KIRREL3: variants seen among roughly 807,000 people sequenced by gnomAD.
The protein encoded by KIRREL3 is kin of IRRE-like protein 3.
KIRREL3 carries 36 observed loss-of-function variants against 89.7 expected under a neutral mutation model. That is an observed-to-expected ratio of 0.40 (90% CI 0.31 to 0.53). KIRREL3 has a LOEUF of 0.53. Among genes scored for constraint, KIRREL3 ranks in the 20% least tolerant of loss-of-function variants. KIRREL3 has a pLI of 0.49. For synonymous variants in KIRREL3, 445 were observed against 441.4 expected (o/e 1.01, Z -0.10); for missense variants, 864 against 1,056.6 (o/e 0.82, Z 2.53).
At chr11:126,700,321 T>C (rs1477536583) in intron 1 of KIRREL3, among the ~76,000 whole-genome samples, 1 of 152,196 alleles carries the variant, frequency 6.6e-6, no homozygotes, top group Non-Finnish European at 1.5e-5. Flanking sequence ...TTTTTCTGTG[T>C]GACTCAGTAT....
rs1946801033 is a variant in KIRREL3 at position 126,689,515 on chromosome 11, T to C, written c.56-126603A>G. Among the ~76,000 whole-genome samples the C allele has an allele frequency of 6.6e-6, 1 of 152,218 alleles. No individual in the cohort carries two copies. The highest frequency in any genetic ancestry group is 1.5e-5 in the Non-Finnish European group (1 of 68,040). ...CCTATGCACCCGAGGAGGATGAGTC[T>C]TCAGAGTTTCCAGCTGCCTTCTTGT... On this transcript the variant is annotated intron_variant, in intron 1 of 16. Transcript: ENST00000525144. This position sits in a 1 kb window ranked among gnomAD's most constrained non-coding sequence, Gnocchi z 5.2.
intron 1 of KIRREL3, among the ~76,000 whole-genome samples, chr11:126,810,678 A>G (rs1013892290): frequency 6.6e-6 from 1 of 152,188 alleles, no homozygotes; most frequent in Non-Finnish European, 1.5e-5. Flanking sequence ...AGGTCTTTAC[A>G]TTGAAGAGGG....
Position 126,897,560 on chromosome 11 carries a change from C to A in KIRREL3, c.55+102895G>T, listed in dbSNP as rs1181744522. ...CTCCCACAGAGGGTTAAAGGCACAG[C>A]ATCCTCCTGTTTGTATATAGCAGAC... On this transcript the variant is annotated intron_variant, in intron 1 of 16. Coordinates refer to ENST00000525144, the MANE Select transcript of KIRREL3 (RefSeq NM_032531.4). The surrounding 1 kb of genome is among the most constrained non-coding windows in gnomAD (Gnocchi z 4.2). Among the ~76,000 whole-genome samples the A allele has an allele frequency of 6.6e-6, 1 of 152,190 alleles. No individual in the cohort carries two copies. The highest frequency in any genetic ancestry group is 1.5e-5 in the Non-Finnish European group (1 of 68,040).
rs537054947 is a variant in KIRREL3 at position 126,460,831 on chromosome 11, C to G, written c.742+2326G>C. Among the ~76,000 whole-genome samples, 7 of 152,352 alleles carry G rather than the reference C, an allele frequency of 4.6e-5. No individual in the cohort carries two copies. The South Asian group carries it at 1.4e-3, about 32-fold the overall frequency. ...CAGGAAACTGCTTCTTCCCACCTCTCCCTGCCAGGACCTACGCTGCTGTCG... is the reference window on the plus strand; with the variant it reads ...CAGGAAACTGCTTCTTCCCACCTCTGCCTGCCAGGACCTACGCTGCTGTCG... On this transcript the variant is annotated intron_variant, in intron 6 of 16. Transcript: ENST00000525144.
chr11:126,442,483 G>T (rs1955618626), intron 10 of KIRREL3, among the ~76,000 whole-genome samples: 1 of 152,144 alleles, frequency 6.6e-6, no homozygotes, highest in South Asian at 2.1e-4. Flanking sequence ...AATGGGGTGA[G>T]GGTTAGTAAG....
rs995847165 is a variant in KIRREL3, at chr11:126,750,780, A to G, written c.56-187868T>C. 6.6e-6 allele frequency among the ~76,000 whole-genome samples: 1 copy of G among 152,224 alleles called. No homozygotes were observed. The highest frequency in any genetic ancestry group is 6.5e-5 in the Admixed American group (1 of 15,284). ...TATATCACATGGATTGTCCAAGCTA[A>G]CAAATGGTAGTGCAAACGTTGGAAC... On this transcript the variant is annotated intron_variant, in intron 1 of 16. Coordinates refer to ENST00000525144, the MANE Select transcript of KIRREL3 (RefSeq NM_032531.4). The surrounding 1 kb of genome is among the most constrained non-coding windows in gnomAD (Gnocchi z 4.2).
At chr11:126,859,322 T>C (rs1174359006) in intron 1 of KIRREL3, among the ~76,000 whole-genome samples, 1 of 152,176 alleles carries the variant, frequency 6.6e-6, no homozygotes, top group Non-Finnish European at 1.5e-5. Context: ...CCATTTTTAC[T>C]GAGGAGGAAA....
In KIRREL3 at chr11:126,844,333, G is replaced by A. The variant is rs1944062493; in HGVS notation, c.55+156122C>T. 6.6e-6 allele frequency among the ~76,000 whole-genome samples: 1 copy of A among 152,140 alleles called. No individual in the cohort carries two copies. Among genetic ancestry groups the A allele is most frequent in the African/African-American group, 2.4e-5 (1 of 41,450 alleles). On this transcript the variant is annotated intron_variant, in intron 1 of 16. Coordinates refer to ENST00000525144, the MANE Select transcript of KIRREL3 (RefSeq NM_032531.4). The surrounding 1 kb of genome is among the most constrained non-coding windows in gnomAD (Gnocchi z 4.8). ...GTGACCACAGAAGGGACAATACTAA[G>A]GAAACCCCAGACCCAAAGGCTAACC... is the stretch of plus-strand genomic sequence containing the variant.
At chr11:126,901,637 A>G (rs1946374921) in intron 1 of KIRREL3, among the ~76,000 whole-genome samples, 1 of 152,210 alleles carries the variant, frequency 6.6e-6, no homozygotes, top group Non-Finnish European at 1.5e-5. Flanking sequence ...TATCCTATTT[A>G]AGTCACAACT....
intron 1 of KIRREL3, among the ~76,000 whole-genome samples, chr11:126,688,204 A>C (rs1946740626): frequency 1.3e-5 from 2 of 152,174 alleles, no homozygotes; most frequent in African/African-American, 4.8e-5. Context: ...CTACCTCTTC[A>C]CCCAGCTCTG....
rs1305923773 is a variant in KIRREL3 at position 126,640,536 on chromosome 11, C to G, written c.56-77624G>C. 1.3e-5 allele frequency among the ~76,000 whole-genome samples: 2 copies of G among 152,112 alleles called. No homozygotes were observed. The highest frequency in any genetic ancestry group is 1.5e-5 in the Non-Finnish European group (1 of 68,012). ...GCCTCTGAATTAAGTCAGCTTTTTC[C>G]TTCTGGGCTGCTTGTACCTGAAATG... On this transcript the variant is annotated intron_variant, in intron 1 of 16. Transcript: ENST00000525144. The surrounding 1 kb of genome is among the most constrained non-coding windows in gnomAD (Gnocchi z 4.9).
intron 1 of KIRREL3, among the ~76,000 whole-genome samples, chr11:126,928,563 C>T (rs1793646): frequency 0.33 from 50,073 of 151,986 alleles, 8,822 homozygotes; most frequent in Middle Eastern, 0.55. Flanking sequence ...GCCTGGGACC[C>T]CGACGTGGTG....
intron 1 of KIRREL3, among the ~76,000 whole-genome samples, chr11:126,581,718 A>G (rs994954503): frequency 1.3e-5 from 2 of 152,134 alleles, no homozygotes; most frequent in Non-Finnish European, 2.9e-5. Context: ...ATTATAGGAT[A>G]CACTGTTATT....
chr11:126,472,866 C>A (rs1157187987), intron 5 of KIRREL3, among the ~76,000 whole-genome samples: 1 of 151,670 alleles, frequency 6.6e-6, no homozygotes, highest in Non-Finnish European at 1.5e-5. Flanking sequence ...CCAAAAGGGG[C>A]AGGAGAGAGG....
chr11:126,597,616 C>T (rs911023251), intron 1 of KIRREL3, among the ~76,000 whole-genome samples: 9 of 152,190 alleles, frequency 5.9e-5, no homozygotes, highest in African/African-American at 1.7e-4. Flanking sequence ...CAAACTATTT[C>T]GGTCTCAAAG....
rs1945087938 is a variant in KIRREL3 at position 126,655,342 on chromosome 11, C to G, written c.56-92430G>C. Among the ~76,000 whole-genome samples, 1 of 152,152 alleles carries G rather than the reference C, an allele frequency of 6.6e-6. No homozygotes were observed. Among genetic ancestry groups the G allele is most frequent in the Non-Finnish European group, 1.5e-5 (1 of 68,024 alleles). On this transcript the variant is annotated intron_variant, in intron 1 of 16. Coordinates refer to ENST00000525144, the MANE Select transcript of KIRREL3 (RefSeq NM_032531.4). This position sits in a 1 kb window ranked among gnomAD's most constrained non-coding sequence, Gnocchi z 5.0. ...AGGGCTTGCAGAGGCAGGGACTTGC[C>G]AAGGTGCTAACTGCCTGAATCCTCG...
At chr11:126,446,305 T>TCA (rs1565457894) in intron 9 of KIRREL3, among the ~76,000 whole-genome samples, 120 of 151,464 alleles carry the variant, frequency 7.9e-4, no homozygotes, top group African/African-American at 2.9e-3. Flanking sequence ...TTTCTTTCTC[T>TCA]CTCTCTCTTC....
At chr11:126,913,814 G>C (rs1035377162) in intron 1 of KIRREL3, among the ~76,000 whole-genome samples, 1 of 152,180 alleles carries the variant, frequency 6.6e-6, no homozygotes. Flanking sequence ...GCCTGGCAGA[G>C]TAGAGTGCAG....
chr11:126,657,974 C>T (rs1794540297), intron 1 of KIRREL3, among the ~76,000 whole-genome samples: 2 of 152,214 alleles, frequency 1.3e-5, no homozygotes, highest in African/African-American at 4.8e-5. Flanking sequence ...CGGATCCCAT[C>T]AGTTTCACAG....
Sources: gnomAD v4.1 joint callset for allele counts (sites outside exome capture counted in the v4.1 genomes callset) on GRCh38, gnomAD v4.1.1 for gene constraint, Gnocchi (gnomAD v3.1) non-coding constraint, MANE v1.5 for transcripts, NCBI Gene and HGNC (gene_info 2026-07-23, HGNC 2026-07-21) for gene names.